ACMSD: variants seen among roughly 807,000 people sequenced by gnomAD.
ACMSD encodes the protein aminocarboxymuconate semialdehyde decarboxylase, also known as 2-amino-3-carboxymuconate-6-semialdehyde decarboxylase.
In ACMSD, 37 loss-of-function variants were observed where a neutral mutation model predicts 45.9. That is an observed-to-expected ratio of 0.81 (90% confidence interval 0.62 to 1.06). The LOEUF (loss-of-function observed/expected upper bound fraction) is 1.06. Among genes scored for constraint, ACMSD ranks in the 50% least tolerant of loss-of-function variants. The pLI is 0.00. For synonymous variants in ACMSD, 138 were observed against 148.8 expected (o/e 0.93, Z 0.53); for missense variants, 434 against 420.9 (o/e 1.03, Z -0.27).
chr2:134,863,256 A>G (rs532018007), intron 4 of ACMSD, 139 bp from the exon 5 acceptor site: 1 of 1,010,250 alleles, frequency 9.9e-7, no homozygotes, highest in African/African-American at 1.6e-5. Flanking sequence ...ACCTTTCCCA[A>G]TCTGTGCCTC....
In ACMSD at chr2:134,897,315, C is replaced by T. The variant is rs1401077240; in HGVS notation, c.850-1026C>T. 2.6e-5 allele frequency among the ~76,000 whole-genome samples: 4 copies of T among 152,086 alleles called. No homozygotes were observed. In the East Asian group the frequency reaches 7.7e-4, roughly 29 times the overall value. On this transcript the variant is annotated intron_variant, in intron 8 of 9. Transcript: ENST00000356140. Reference sequence around the variant, plus strand: ...ACCTTATTGAAAACAGAAATCAAAGCATAGCAGACACATTGTTCTAGACTC... The same window carrying T: ...ACCTTATTGAAAACAGAAATCAAAGTATAGCAGACACATTGTTCTAGACTC...
chr2:134,887,171 CTA>C (rs1227702211), intron 8 of ACMSD, among the ~76,000 whole-genome samples: 2 of 152,086 alleles, frequency 1.3e-5, no homozygotes, highest in Non-Finnish European at 2.9e-5. Context: ...TCACATTGAT[CTA>C]TAGAGTCAAT....
chr2:134,862,799 G>A (rs1043431285), intron 4 of ACMSD, among the ~76,000 whole-genome samples: 13 of 152,242 alleles, frequency 8.5e-5, no homozygotes, highest in African/African-American at 2.9e-4. Context: ...CCAGATTCCT[G>A]GCAGTGGGCA....
intron 9 of ACMSD, 79 bp downstream of exon 9, chr2:134,898,518 T>C (rs376565143): frequency 3.3e-6 from 3 of 905,960 alleles, no homozygotes; most frequent in Non-Finnish European, 4.8e-6. Context: ...CACTTTGATA[T>C]ATAAAAACAA....
chr2:134,884,349 C>T (rs1262970994), intron 8 of ACMSD, among the ~76,000 whole-genome samples: 3 of 152,062 alleles, frequency 2.0e-5, no homozygotes, highest in Non-Finnish European at 4.4e-5. Context: ...GAATTATTTG[C>T]TTTCTCCATA....
intron 8 of ACMSD, among the ~76,000 whole-genome samples, chr2:134,886,379 G>A (rs1689462756): frequency 2.0e-5 from 3 of 151,008 alleles, no homozygotes; most frequent in African/African-American, 7.3e-5. Flanking sequence ...CTCTCGAGTA[G>A]CTGGGACTAC....
chr2:134,864,244 G>A (rs1419807093), intron 5 of ACMSD, among the ~76,000 whole-genome samples: 1 of 150,958 alleles, frequency 6.6e-6, no homozygotes, highest in African/African-American at 2.4e-5. Flanking sequence ...ACTCTAGTCT[G>A]GGTAAGAGAG....
At chr2:134,839,540 G>A (rs529487024) in intron 1 of ACMSD, among the ~76,000 whole-genome samples, 2 of 152,240 alleles carry the variant, frequency 1.3e-5, no homozygotes, top group Non-Finnish European at 2.9e-5. Context: ...TCACACCACC[G>A]ATAATGTTTC....
chr2:134,865,553 T>A (rs528310414), intron 5 of ACMSD, among the ~76,000 whole-genome samples: 3 of 152,312 alleles, frequency 2.0e-5, no homozygotes, highest in East Asian at 1.9e-4. Context: ...CAGGAGCACA[T>A]CCTGTCCCCA....
chr2:134,840,070 T>C (rs1466030726), intron 1 of ACMSD, among the ~76,000 whole-genome samples: 1 of 145,834 alleles, frequency 6.9e-6, no homozygotes, highest in Non-Finnish European at 1.5e-5. Flanking sequence ...GTGATACAGG[T>C]AATGGAAGCA....
At chr2:134,843,155 C>G (rs939669359) in intron 1 of ACMSD, among the ~76,000 whole-genome samples, 2 of 152,182 alleles carry the variant, frequency 1.3e-5, no homozygotes, top group African/African-American at 2.4e-5. Context: ...ACACACCTCT[C>G]TTGGCAGCTT....
intron 8 of ACMSD, chr2:134,873,134 G>C (rs1442514275): frequency 6.2e-6 from 1 of 162,294 alleles, no homozygotes. Context: ...AAATTGCGCT[G>C]GACAGGGAGT....
intron 1 of ACMSD, among the ~76,000 whole-genome samples, chr2:134,840,733 C>A (rs1288252178): frequency 8.3e-6 from 1 of 120,786 alleles, no homozygotes; most frequent in Non-Finnish European, 1.7e-5. Context: ...TCCCAATAAA[C>A]CAGGTTTCTT....
At chr2:134,842,956 C>G (rs1371880529) in intron 1 of ACMSD, among the ~76,000 whole-genome samples, 1 of 152,034 alleles carries the variant, frequency 6.6e-6, no homozygotes, top group Non-Finnish European at 1.5e-5. Context: ...TACAGAATTA[C>G]AAGAAAGTAA....
At chr2:134,850,276 T>A (rs1268003965) in intron 2 of ACMSD, among the ~76,000 whole-genome samples, 1 of 110,420 alleles carries the variant, frequency 9.1e-6, no homozygotes, top group Non-Finnish European at 1.9e-5. Flanking sequence ...TTTCTTTTTT[T>A]TTTTTTTCTG....
intron 3 of ACMSD, 87 bp from the exon 4 acceptor site, chr2:134,861,882 G>A (rs1312368548): frequency 6.9e-7 from 1 of 1,456,674 alleles, no homozygotes; most frequent in Non-Finnish European, 9.6e-7. Flanking sequence ...TTAGGGTGGA[G>A]GCTTGCTGCC....
Position 134,872,454 on chromosome 2 carries a change from G to C in ACMSD, c.677-15G>C. The stretch of plus-strand genomic sequence containing the variant: ...CAATCAACACTAGCCCCTCAGTAAT[G>C]GGTTTTACTTGCAGGTGGTGCCTTC... On this transcript the variant is annotated splice_polypyrimidine_tract_variant and intron_variant, in intron 7 of 9. Coordinates refer to ENST00000356140, the MANE Select transcript of ACMSD (RefSeq NM_138326.3). 6.2e-7 allele frequency: 1 copy of C among 1,614,034 alleles called. No homozygotes were observed. Among genetic ancestry groups the C allele is most frequent in the Non-Finnish European group, 8.5e-7 (1 of 1,179,980 alleles).
intron 3 of ACMSD, among the ~76,000 whole-genome samples, chr2:134,860,542 AC>A (rs750844599): frequency 2.6e-5 from 4 of 152,132 alleles, no homozygotes; most frequent in Admixed American, 6.6e-5. Context: ...TAGCACTACC[AC>A]CTTCCTAATC....
chr2:134,870,458 G>A (rs1207858509), intron 6 of ACMSD, among the ~76,000 whole-genome samples: 2 of 152,286 alleles, frequency 1.3e-5, no homozygotes, highest in African/African-American at 4.8e-5. Flanking sequence ...TTGAGAGAGA[G>A]ACAGCTAATA....
Sources: allele counts gnomAD v4.1 joint callset (sites outside exome capture counted in the v4.1 genomes callset), GRCh38; gene constraint gnomAD v4.1.1; transcripts MANE v1.5; gene names NCBI Gene and HGNC (gene_info 2026-07-23, HGNC 2026-07-21).